The following KLRG2 variants were observed in gnomAD, a reference collection of about 807,000 sequenced individuals.
KLRG2 encodes the protein killer cell lectin-like receptor subfamily G member 2.
Under a neutral mutation model 35.4 loss-of-function variants are expected in KLRG2, and 39 were observed. The ratio of observed to expected loss-of-function variants is 1.10; its 90% CI spans 0.85 to 1.44. The LOEUF (loss-of-function observed/expected upper bound fraction) is 1.44, where lower values mean the gene tolerates loss of function less well. Among genes scored for constraint, KLRG2 ranks in the 40% most tolerant of loss-of-function variants. KLRG2 has a pLI of 0.00. For synonymous variants in KLRG2, 283 were observed against 265.8 expected (o/e 1.06, Z -0.63); for missense variants, 632 against 570.9 (o/e 1.11, Z -1.09).
chr7:139,465,691 CAA>C (rs573464243), intron 3 of KLRG2, among the ~76,000 whole-genome samples: 23 of 95,186 alleles, frequency 2.4e-4, no homozygotes, highest in Non-Finnish European at 3.5e-4. Flanking sequence ...GACTCTGTCT[CAA>C]AAAAAAAAAA....
chr7:139,475,406 C>T (rs898550488), intron 3 of KLRG2, among the ~76,000 whole-genome samples: 3 of 152,014 alleles, frequency 2.0e-5, no homozygotes, highest in Non-Finnish European at 1.5e-5. Context: ...TGGCGGGCGC[C>T]TGTAGTCCCA....
At chr7:139,435,498 A>G in the KLRG2 span, among the ~76,000 whole-genome samples, 1 of 152,210 alleles carries the variant, frequency 6.6e-6, no homozygotes, top group African/African-American at 2.4e-5. Flanking sequence ...TCAAAAAAAA[A>G]TCACCAATTT....
chr7:139,475,785 C>A (rs1201335311), intron 3 of KLRG2, among the ~76,000 whole-genome samples: 1 of 152,140 alleles, frequency 6.6e-6, no homozygotes, highest in African/African-American at 2.4e-5. Context: ...TTGAAGCCAG[C>A]CACTCAGAAG....
intron 1 of KLRG2, among the ~76,000 whole-genome samples, chr7:139,480,745 CTTTTTTTTTT>C (rs34710698): frequency 1.8e-5 from 2 of 112,956 alleles, no homozygotes; most frequent in African/African-American, 6.9e-5. Flanking sequence ...GCGTCTGGCC[CTTTTTTTTTT>C]TTTTTTTTGA....
intron 1 of KLRG2, among the ~76,000 whole-genome samples, chr7:139,481,356 T>C (rs529088109): frequency 1.3e-5 from 2 of 152,276 alleles, no homozygotes; most frequent in East Asian, 3.9e-4. Flanking sequence ...AATAGAAAAC[T>C]AATATTCCAT....
At chr7:139,467,084 AC>A (rs1377140210) in intron 3 of KLRG2, among the ~76,000 whole-genome samples, 1 of 151,816 alleles carries the variant, frequency 6.6e-6, no homozygotes, top group Admixed American at 6.6e-5. Flanking sequence ...CCTTTTAACA[AC>A]CCCACAATAT....
At chr7:139,440,135 AG>A in the KLRG2 span, among the ~76,000 whole-genome samples, 2 of 152,130 alleles carry the variant, frequency 1.3e-5, no homozygotes, top group African/African-American at 4.8e-5. Flanking sequence ...TTAAAGACAG[AG>A]TCTTGCTCTG....
At chr7:139,462,416 T>C (rs1796584025) in intron 3 of KLRG2, among the ~76,000 whole-genome samples, 1 of 151,394 alleles carries the variant, frequency 6.6e-6, no homozygotes, top group Admixed American at 6.6e-5. Context: ...CTACCCCTTT[T>C]CCACTGTCCT....
In KLRG2 at chr7:139,453,561, A is replaced by T. The variant is rs750150003; in HGVS notation, c.*26T>A. ...GTAGGGGGTGCTGCATCTGCCTGGC[A>T]GGCTGAGGACCAGGCAGAGCCCAGA... On this transcript the variant is annotated 3_prime_UTR_variant, in exon 5 of 5. Transcript: ENST00000340940. 1 of 1,573,320 alleles carries T rather than the reference A, an allele frequency of 6.4e-7. No individual in the cohort carries two copies. Among genetic ancestry groups the T allele is most frequent in the East Asian group, 2.3e-5 (1 of 42,614 alleles).
intron 3 of KLRG2, among the ~76,000 whole-genome samples, chr7:139,475,003 G>A (rs1374653567): frequency 6.6e-6 from 1 of 152,204 alleles, no homozygotes; most frequent in African/African-American, 2.4e-5. Context: ...CATCTCTGAA[G>A]GAAGGAATGC....
chr7:139,448,015 A>G (rs1796329454), downstream of KLRG2, among the ~76,000 whole-genome samples: 1 of 151,986 alleles, frequency 6.6e-6, no homozygotes, highest in Admixed American at 6.6e-5. Context: ...CTTGTCAGAC[A>G]GACAGGTCTG....
intron 3 of KLRG2, among the ~76,000 whole-genome samples, chr7:139,460,762 C>T (rs947485325): frequency 2.6e-5 from 4 of 151,900 alleles, no homozygotes; most frequent in South Asian, 2.1e-4. Context: ...AGTTTGAGAC[C>T]GGCCTGGCTA....
At chr7:139,476,908 A>T (rs1475224084) in intron 3 of KLRG2, among the ~76,000 whole-genome samples, 7 of 151,930 alleles carry the variant, frequency 4.6e-5, no homozygotes, top group Admixed American at 4.6e-4. Flanking sequence ...TTCCTGATTG[A>T]CGTCTGCCTC....
intron 3 of KLRG2, among the ~76,000 whole-genome samples, chr7:139,477,068 A>G (rs1455470278): frequency 6.6e-6 from 1 of 152,208 alleles, no homozygotes; most frequent in African/African-American, 2.4e-5. Flanking sequence ...ATACCAGAAC[A>G]GCGAATATAA....
At position 139,483,239 on chromosome 7, in the gene KLRG2, G is replaced by A. The variant is rs1258487823; in HGVS notation, c.404C>T (p.Ala135Val). The A allele has an allele frequency of 3.2e-6, 5 of 1,543,588 alleles. No individual in the cohort carries two copies. Among genetic ancestry groups the A allele is most frequent in the South Asian group, 1.2e-5 (1 of 83,956 alleles). Residue 135 changes from alanine (A) to valine (V), a missense_variant, in exon 1 of 5, where the codon GCG (alanine) becomes GTG (valine). Transcript: ENST00000340940. ...QVDVRVKPVG[A>V]AGGSSTPSPR... ...CGATGGCGTGCTGCTGCCACCGGCC[G>A]CGCCCACGGGCTTCACGCGCACATC...
chr7:139,442,111 C>G, the KLRG2 span, among the ~76,000 whole-genome samples: 1 of 152,174 alleles, frequency 6.6e-6, no homozygotes, highest in Non-Finnish European at 1.5e-5. Flanking sequence ...GTCAGTGACA[C>G]GCCAGGGAGC....
intron 3 of KLRG2, among the ~76,000 whole-genome samples, chr7:139,456,838 C>T (rs545246461): frequency 6.6e-6 from 1 of 152,114 alleles, no homozygotes; most frequent in South Asian, 2.1e-4. Context: ...GTTGGTGAAC[C>T]TGGTGCGGGC....
Position 139,473,829 on chromosome 7 carries a change from T to C in KLRG2, c.1005+5798A>G, listed in dbSNP as rs556280906. On this transcript the variant is annotated intron_variant, in intron 3 of 4. Coordinates refer to ENST00000340940, the MANE Select transcript of KLRG2 (RefSeq NM_198508.4). ...ACAGGACACTGTAAAAAAGGAACAT[T>C]TGAAAGGTCAAAACAGTTCTAAAAA... Among the ~76,000 whole-genome samples the C allele has an allele frequency of 1.4e-4, 22 of 151,900 alleles. 1 individual carries two copies. The South Asian group carries it at 4.4e-3, about 30-fold the overall frequency.
chr7:139,460,045 T>A (rs908733332), intron 3 of KLRG2, among the ~76,000 whole-genome samples: 2 of 152,100 alleles, frequency 1.3e-5, no homozygotes, highest in African/African-American at 4.8e-5. Flanking sequence ...CCCCCGCGCC[T>A]GGCCATATTT....
Sources: allele counts gnomAD v4.1 joint callset (sites outside exome capture counted in the v4.1 genomes callset), GRCh38; gene constraint gnomAD v4.1.1; transcripts MANE v1.5; gene names NCBI Gene and HGNC (gene_info 2026-07-23, HGNC 2026-07-21).